DCLRE1C: variants seen among roughly 807,000 people sequenced by gnomAD.
DCLRE1C encodes DNA cross-link repair 1C.
DCLRE1C carries 47 observed loss-of-function variants against 61.4 expected under a neutral mutation model. The ratio of observed to expected loss-of-function variants is 0.77; its 90% CI spans 0.61 to 0.98. The LOEUF is 0.98. Ranked by LOEUF, DCLRE1C falls within the 50% of genes least tolerant of loss-of-function variation. The pLI is 0.00. For synonymous variants in DCLRE1C, 337 were observed against 287.6 expected (o/e 1.17, Z -1.74); for missense variants, 858 against 816.0 (o/e 1.05, Z -0.63).
At chr10:14,938,394 C>G (rs1201722406) in intron 4 of DCLRE1C, among the ~76,000 whole-genome samples, 1 of 152,072 alleles carries the variant, frequency 6.6e-6, no homozygotes, top group Non-Finnish European at 1.5e-5. Context: ...GTAGTCCTCC[C>G]TCAGGATAAT....
chr10:14,934,792 T>A lies in DCLRE1C; in HGVS notation c.465-17A>T, dbSNP rs944022871. 3 of 1,577,068 alleles carry A rather than the reference T, an allele frequency of 1.9e-6. No individual in the cohort carries two copies. Among genetic ancestry groups the A allele is most frequent in the East Asian group, 2.2e-5 (1 of 44,684 alleles). On this transcript the variant is annotated splice_polypyrimidine_tract_variant and intron_variant, in intron 6 of 13. Transcript: ENST00000378278. ...TCTTTGACTCTGAAAAGAAAAAAAA[T>A]TGATGTTAGCCATCCAATGTGATAT... is the stretch of plus-strand genomic sequence containing the variant.
chr10:14,952,937 A>G (rs1020430758), intron 1 of DCLRE1C, among the ~76,000 whole-genome samples: 5 of 152,206 alleles, frequency 3.3e-5, no homozygotes, highest in African/African-American at 1.2e-4. Context: ...CCCTGTGAGG[A>G]AAGGCTGTGT....
At chr10:14,900,845 A>G (rs143315529), downstream of DCLRE1C, among the ~76,000 whole-genome samples, 3 of 152,326 alleles carry the variant, frequency 2.0e-5, no homozygotes, top group African/African-American at 7.2e-5. Flanking sequence ...AGGAAAAAAA[A>G]AAGTTGGGAC....
intron 4 of DCLRE1C, among the ~76,000 whole-genome samples, chr10:14,939,222 A>C (rs1840473585): frequency 6.6e-6 from 1 of 152,156 alleles, no homozygotes; most frequent in Admixed American, 6.6e-5. Flanking sequence ...GGATCACTTG[A>C]GGTCAGGAGT....
intron 2 of DCLRE1C, chr10:14,945,624 A>G: frequency 4.2e-6 from 4 of 950,150 alleles, no homozygotes; most frequent in Non-Finnish European, 5.0e-6. Context: ...GAGAACAGAA[A>G]CTTCTGCTTT....
chr10:14,926,717 A>G (rs1838048351), intron 11 of DCLRE1C, 126 bp downstream of exon 11: 1 of 783,592 alleles, frequency 1.3e-6, no homozygotes, highest in African/African-American at 1.8e-5. Context: ...TAGGAAAAAA[A>G]AACTAAAAGG....
intron 9 of DCLRE1C, among the ~76,000 whole-genome samples, chr10:14,931,691 G>A (rs773265903): frequency 1.1e-4 from 17 of 152,112 alleles, no homozygotes; most frequent in Non-Finnish European, 2.1e-4. Flanking sequence ...GTTATGTCTA[G>A]ATATTTATCT....
chr10:14,945,513 G>A (rs941747019), intron 2 of DCLRE1C: 1 of 1,125,406 alleles, frequency 8.9e-7, no homozygotes, highest in South Asian at 2.2e-5. Flanking sequence ...CTCCAACAGT[G>A]GTCCCTCACC....
Position 14,926,661 on chromosome 10 carries a change from A to G in DCLRE1C, c.972+182T>C, listed in dbSNP as rs79953195. On this transcript the variant is annotated intron_variant, in intron 11 of 13. Transcript: ENST00000378278. ...AGAGTAAAACACTGTCTCAACCAAA[A>G]AAAAAAAAAAAAAGGAATCCATGAA... 2.0e-5 allele frequency among the ~76,000 whole-genome samples: 3 copies of G among 151,240 alleles called. No individual in the cohort carries two copies. In the East Asian group the frequency reaches 5.8e-4, roughly 29 times the overall value.
upstream of DCLRE1C, chr10:14,954,208 T>A: frequency 1.2e-6 from 1 of 815,446 alleles, no homozygotes; most frequent in South Asian, 1.6e-5. Flanking sequence ...GCCCGCTGCT[T>A]GGGTTTAAAT....
chr10:14,923,882 T>A (rs1837525019), intron 11 of DCLRE1C, among the ~76,000 whole-genome samples: 1 of 152,178 alleles, frequency 6.6e-6, no homozygotes, highest in Non-Finnish European at 1.5e-5. Context: ...CTTCACTTAC[T>A]GAGAAAAGAC....
Position 14,949,030 on chromosome 10 carries a change from A to T in DCLRE1C, c.161+6T>A. ...GCTTAAAAACACAAGTAGCAAAATA[A>T]ATTACCTGCACTCCAACCTTCTTTT... On this transcript the variant is annotated splice_donor_region_variant and intron_variant, in intron 2 of 13. Transcript: ENST00000378278. The T allele has an allele frequency of 6.2e-7, 1 of 1,603,538 alleles. No individual in the cohort carries two copies. The highest frequency in any genetic ancestry group is 8.5e-7 in the Non-Finnish European group (1 of 1,170,836).
intron 13 of DCLRE1C, among the ~76,000 whole-genome samples, chr10:14,917,592 G>A (rs886168984): frequency 6.6e-6 from 1 of 152,148 alleles, no homozygotes; most frequent in African/African-American, 2.4e-5. Context: ...AGGAGGCCAA[G>A]GCAGGCAGAT....
intron 2 of DCLRE1C, among the ~76,000 whole-genome samples, chr10:14,948,347 T>C (rs1388453769): frequency 6.6e-6 from 1 of 152,226 alleles, no homozygotes; most frequent in East Asian, 1.9e-4. Context: ...CACTGGCCCT[T>C]TTCAAATATG....
At chr10:14,901,563 A>G (rs1273484457), downstream of DCLRE1C, among the ~76,000 whole-genome samples, 5 of 150,236 alleles carry the variant, frequency 3.3e-5, no homozygotes, top group African/African-American at 1.2e-4. Context: ...TTTTTTTTAA[A>G]TTGTGGGCTA....
At chr10:14,916,812 A>G (rs1836279262) in intron 13 of DCLRE1C, among the ~76,000 whole-genome samples, 1 of 152,232 alleles carries the variant, frequency 6.6e-6, no homozygotes, top group African/African-American at 2.4e-5. Context: ...AAAATTCAGT[A>G]TTGTTAAGAT....
Position 14,934,327 on chromosome 10 carries a change from CAAAAAAA to C in DCLRE1C, c.678+46_678+52del, listed in dbSNP as rs374055066. On this transcript the variant is annotated intron_variant, in intron 8 of 13. Coordinates refer to ENST00000378278, the MANE Select transcript of DCLRE1C (RefSeq NM_001033855.3). ...TGGGCAACATAGCAAGACTCCCTCT[CAAAAAAA>C]AAAAAAAAAGAAAAAAGAAAAGAAA... 94 of 1,428,396 alleles carry C rather than the reference CAAAAAAA, an allele frequency of 6.6e-5. 2 individuals carry two copies. Among genetic ancestry groups the C allele is most frequent in the South Asian group, 4.6e-4 (38 of 81,766 alleles). 88.5% of individuals were successfully genotyped at this position (1,428,396 alleles called of 1,614,324 possible).
chr10:14,926,987 C>T (rs1838110889), intron 10 of DCLRE1C, 90 bp from the exon 11 acceptor site: 9 of 1,041,872 alleles, frequency 8.6e-6, no homozygotes, highest in South Asian at 1.3e-5. Flanking sequence ...GCTATTCTAG[C>T]ATGAAACCAC....
At position 14,905,782 on chromosome 10, in the gene DCLRE1C, C is replaced by A. The variant is rs7915498; in HGVS notation, c.*2626G>T. The stretch of plus-strand genomic sequence containing the variant: ...AGTGGATCACCAGAGGTCAGGAGTT[C>A]AAGACCAGTCTGACCAATATGGTGA... On this transcript the variant is annotated 3_prime_UTR_variant, in exon 14 of 14. Coordinates refer to ENST00000378278, the MANE Select transcript of DCLRE1C (RefSeq NM_001033855.3). Among the ~76,000 whole-genome samples, 1,434 of 152,170 alleles carry A rather than the reference C, an allele frequency of 9.4e-3. 23 individuals carry two copies. Among genetic ancestry groups the A allele is most frequent in the African/African-American group, 0.032 (1,320 of 41,512 alleles).
Sources: gnomAD v4.1 joint callset for allele counts (sites outside exome capture counted in the v4.1 genomes callset) on GRCh38, gnomAD v4.1.1 for gene constraint, MANE v1.5 for transcripts, NCBI Gene and HGNC (gene_info 2026-07-23, HGNC 2026-07-21) for gene names.